BCR: variants seen among roughly 807,000 people sequenced by gnomAD.
BCR encodes breakpoint cluster region protein.
Under a neutral mutation model 138.6 loss-of-function variants are expected in BCR, and 58 were observed. The ratio of observed to expected loss-of-function variants is 0.42; its 90% CI spans 0.34 to 0.52. BCR has a LOEUF of 0.52. BCR is among the 20% of genes least tolerant of loss of function. BCR has a pLI of 0.06. For missense variants in BCR, 1,599 were observed against 1,727.2 expected (o/e 0.93, Z 1.32); for synonymous variants, 786 against 730.1 (o/e 1.08, Z -1.23).
rs1469345330 is a variant in BCR at position 23,310,180 on chromosome 22, C to T, written c.3073-144C>T. On this transcript the variant is annotated intron_variant, in intron 17 of 22. Transcript: ENST00000305877. Reference sequence around the variant, plus strand: ...TCTTGCTGAAGTAGACTAGGGGCTTCCCCGAGGGGCGGCTCCACCTCATGC... The same window carrying T: ...TCTTGCTGAAGTAGACTAGGGGCTTTCCCGAGGGGCGGCTCCACCTCATGC... 9 of 484,810 alleles carry T rather than the reference C, an allele frequency of 1.9e-5. No individual in the cohort carries two copies. The East Asian group carries it at 4.0e-4, about 22-fold the overall frequency. The allele number at this position is 484,810 out of a possible 1,614,324, so 30.0% of individuals were successfully genotyped here.
chr22:23,249,600 G>T (rs1055498527), intron 1 of BCR, among the ~76,000 whole-genome samples: 1 of 151,974 alleles, frequency 6.6e-6, no homozygotes, highest in Non-Finnish European at 1.5e-5. Context: ...ATAAAATCAC[G>T]GGTGGGGGGT....
Position 23,289,526 on chromosome 22 carries a change from G to T in BCR, c.2612G>T (p.Ser871Ile). 1 of 1,614,102 alleles carries T rather than the reference G, an allele frequency of 6.2e-7. No individual in the cohort carries two copies. Among genetic ancestry groups the T allele is most frequent in the Non-Finnish European group, 8.5e-7 (1 of 1,179,926 alleles). Residue 871 changes from serine (S) to isoleucine (I), a missense_variant, in exon 13 of 23, where the codon AGC becomes ATC. By Grantham distance (142) the Ser-to-Ile change is moderately radical. Coordinates refer to ENST00000305877, the MANE Select transcript of BCR (RefSeq NM_004327.4). ...TTTTCCAACCTCCCAGGTTTCAGAA[G>T]CTTCTCCCTGACATCCGTGGAGCTG... is the stretch of plus-strand genomic sequence containing the variant. ...IREQQKKCFR[S>I]FSLTSVELQM...
intron 4 of BCR, among the ~76,000 whole-genome samples, chr22:23,265,472 G>A (rs763345993): frequency 1.3e-5 from 2 of 152,186 alleles, no homozygotes; most frequent in Admixed American, 6.5e-5. Flanking sequence ...TCCCAGCTCC[G>A]GTGCCTCTTC....
chr22:23,181,358 G>A lies in BCR; in HGVS notation c.398G>A (p.Arg133Lys). Residue 133 changes from arginine to lysine, a missense_variant, in exon 1 of 23, where the codon AGG becomes AAG. Transcript: ENST00000305877. Reference sequence around the variant, plus strand: ...AAGGCCAGGCCCGGGACCGCCCGCAGGCCCGGGGCAGCCGCGTCGGGGGAA... The same window carrying A: ...AAGGCCAGGCCCGGGACCGCCCGCAAGCCCGGGGCAGCCGCGTCGGGGGAA... ...PGKARPGTAR[R>K]PGAAASGERD... 1 of 1,514,836 alleles carries A rather than the reference G, an allele frequency of 6.6e-7. No homozygotes were observed. Among genetic ancestry groups the A allele is most frequent in the Non-Finnish European group, 8.8e-7 (1 of 1,138,316 alleles). 93.8% of individuals were successfully genotyped at this position (1,514,836 alleles called of 1,614,324 possible).
intron 8 of BCR, among the ~76,000 whole-genome samples, chr22:23,282,514 G>A (rs891730854): frequency 1.3e-5 from 2 of 152,258 alleles, no homozygotes; most frequent in African/African-American, 4.8e-5. Context: ...GAGTGTCGGA[G>A]GACTGGCCCA....
At chr22:23,260,757 T>A in intron 2 of BCR, 193 bp from the exon 3 acceptor site, 2 of 573,392 alleles carry the variant, frequency 3.5e-6, no homozygotes, top group South Asian at 3.9e-5. Context: ...CTCCCCGGGA[T>A]TCTCAGTGAC....
intron 1 of BCR, among the ~76,000 whole-genome samples, chr22:23,189,524 G>A (rs894826508): frequency 6.6e-6 from 1 of 152,028 alleles, no homozygotes; most frequent in African/African-American, 2.4e-5. Flanking sequence ...TTGAGACGGA[G>A]TTTCGCTCTT....
At position 23,273,077 on chromosome 22, in the gene BCR, A is replaced by C; in HGVS notation, c.1922-4A>C. On this transcript the variant is annotated splice_region_variant and splice_polypyrimidine_tract_variant and intron_variant, in intron 6 of 22. Coordinates refer to ENST00000305877, the MANE Select transcript of BCR (RefSeq NM_004327.4). ...CCTCTCTCACCTCCCCTCTCTCTCC[A>C]CAGCTCTGCTCTACAAGCCTGTGGA... The C allele has an allele frequency of 6.2e-7, 1 of 1,612,646 alleles. No individual in the cohort carries two copies. The highest frequency in any genetic ancestry group is 8.5e-7 in the Non-Finnish European group (1 of 1,179,248).
chr22:23,254,015 CAGGTG>C (rs746444281), intron 2 of BCR, 35 bp downstream of exon 2: 13 of 1,580,974 alleles, frequency 8.2e-6, no homozygotes, highest in Non-Finnish European at 1.0e-5. Context: ...GCAGGAGGGC[CAGGTG>C]AGGCTCCCTG....
chr22:23,263,140 C>T (rs769399014), intron 4 of BCR: 34 of 719,140 alleles, frequency 4.7e-5, no homozygotes, highest in Middle Eastern at 7.5e-4. Flanking sequence ...GCGGCCATGG[C>T]GGCGGCAGCC....
Position 23,187,831 on chromosome 22 carries a change from C to G in BCR, c.1279+5592C>G, listed in dbSNP as rs2072365705. Among the ~76,000 whole-genome samples, 3 of 152,334 alleles carry G rather than the reference C, an allele frequency of 2.0e-5. No homozygotes were observed. The South Asian group carries it at 6.2e-4, about 32-fold the overall frequency. ...GATTCAAACACCCAGCCCAATGTGCCTGTCAACTTTCTTCCAGGTGTCAGT... is the reference window on the plus strand; with the variant it reads ...GATTCAAACACCCAGCCCAATGTGCGTGTCAACTTTCTTCCAGGTGTCAGT... On this transcript the variant is annotated intron_variant, in intron 1 of 22. Transcript: ENST00000305877.
At chr22:23,256,600 C>T (rs1042408582) in intron 2 of BCR, among the ~76,000 whole-genome samples, 9 of 152,196 alleles carry the variant, frequency 5.9e-5, no homozygotes, top group Admixed American at 3.9e-4. Flanking sequence ...TCTCCAGCAG[C>T]TGTGCTAGCT....
intron 15 of BCR, among the ~76,000 whole-genome samples, chr22:23,294,532 C>T (rs2073824460): frequency 6.6e-6 from 1 of 152,192 alleles, no homozygotes; most frequent in Non-Finnish European, 1.5e-5. Context: ...TTACAAGTAG[C>T]TGGGATCACA....
Position 23,285,117 on chromosome 22 carries a change from C to T in BCR, c.2322C>T (p.Pro774=). 2 of 1,614,064 alleles carry T rather than the reference C, an allele frequency of 1.2e-6. No individual in the cohort carries two copies. The highest frequency in any genetic ancestry group is 1.7e-6 in the Non-Finnish European group (2 of 1,180,004). ...FQMVDELEAV[P]NIPLVPDEEL... ...TGGTGGATGAACTGGAGGCAGTGCC[C>T]AACATCCCCCTGGTGCCCGATGAGG... Residue 774 remains proline (P), a synonymous_variant, in exon 10 of 23, where the codon CCC becomes CCT. Transcript: ENST00000305877.
intron 1 of BCR, among the ~76,000 whole-genome samples, chr22:23,239,624 A>T (rs1186955411): frequency 6.6e-6 from 1 of 152,206 alleles, no homozygotes; most frequent in Non-Finnish European, 1.5e-5. Context: ...ATGTAATAGT[A>T]TGTTATGGCT....
intron 4 of BCR, chr22:23,264,581 G>C (rs1376186578): frequency 4.7e-6 from 2 of 426,832 alleles, no homozygotes; most frequent in African/African-American, 2.0e-5. Context: ...GGCAGGACCT[G>C]CTGCTTTAGA....
intron 14 of BCR, among the ~76,000 whole-genome samples, chr22:23,291,569 A>G (rs2073787731): frequency 6.6e-6 from 1 of 151,960 alleles, no homozygotes; most frequent in Non-Finnish European, 1.5e-5. Flanking sequence ...TGAGCAATAC[A>G]GCGTGACACC....
intron 21 of BCR, among the ~76,000 whole-genome samples, chr22:23,314,289 T>C (rs552107340): frequency 6.6e-6 from 1 of 152,190 alleles, no homozygotes; most frequent in East Asian, 1.9e-4. Flanking sequence ...AAAAAAGAGC[T>C]CAGAGCTTTG....
At chr22:23,183,506 CG>C (rs2072297396) in intron 1 of BCR, among the ~76,000 whole-genome samples, 1 of 152,152 alleles carries the variant, frequency 6.6e-6, no homozygotes, top group African/African-American at 2.4e-5. Context: ...TGCACGGCTC[CG>C]ACCTGCCGTC....
Sources: allele counts gnomAD v4.1 joint callset (sites outside exome capture counted in the v4.1 genomes callset), GRCh38; gene constraint gnomAD v4.1.1; transcripts MANE v1.5; gene names NCBI Gene and HGNC (gene_info 2026-07-23, HGNC 2026-07-21).